Variants in FRAS1 observed in about 807,000 individuals in gnomAD.
The protein encoded by FRAS1 is extracellular matrix organizing protein FRAS1.
In FRAS1, 290 loss-of-function variants were observed where a neutral mutation model predicts 435.2. The ratio of observed to expected loss-of-function variants is 0.67; its 90% CI spans 0.61 to 0.73. FRAS1 has a LOEUF of 0.73. Among genes scored for constraint, FRAS1 ranks in the 30% least tolerant of loss-of-function variants. The pLI, the probability that FRAS1 is intolerant of heterozygous loss-of-function variation, is 0.00. For missense variants in FRAS1, 4,860 were observed against 5,001.5 expected (o/e 0.97, Z 0.85); for synonymous variants, 1,800 against 1,851.0 (o/e 0.97, Z 0.71).
At chr4:78,482,009 T>G (rs1306438367) in intron 57 of FRAS1, 45 bp downstream of exon 57, 2 of 1,577,542 alleles carry the variant, frequency 1.3e-6, no homozygotes, top group South Asian at 2.3e-5. Context: ...ACAGGTCGGT[T>G]TGTGAATGTT....
intron 19 of FRAS1, among the ~76,000 whole-genome samples, chr4:78,336,232 G>T (rs1271196130): frequency 1.3e-5 from 2 of 152,104 alleles, no homozygotes. Context: ...CAGTCCCCTG[G>T]TGAGTTGCTT....
At chr4:78,219,690 T>TAA (rs1723964438) in intron 2 of FRAS1, among the ~76,000 whole-genome samples, 1 of 152,210 alleles carries the variant, frequency 6.6e-6, no homozygotes, top group Non-Finnish European at 1.5e-5. Flanking sequence ...TCTCCAGAGT[T>TAA]TACTTAAGAT....
intron 14 of FRAS1, among the ~76,000 whole-genome samples, chr4:78,298,116 A>C (rs1388315232): frequency 2.0e-5 from 3 of 146,454 alleles, no homozygotes; most frequent in Non-Finnish European, 4.5e-5. Context: ...AGGTATGTGT[A>C]TATATATTTA....
intron 14 of FRAS1, among the ~76,000 whole-genome samples, chr4:78,299,214 G>A (rs345504): frequency 0.035 from 5,353 of 152,280 alleles, 310 homozygotes; most frequent in African/African-American, 0.12. Context: ...GAGCAGGAAA[G>A]TTAAGGAGAG....
At position 78,096,764 on chromosome 4, in the gene FRAS1, C is replaced by T. The variant is rs140526249; in HGVS notation, c.108+30748C>T. Among the ~76,000 whole-genome samples, 112 of 152,334 alleles carry T rather than the reference C, an allele frequency of 7.4e-4. No homozygotes were observed. The East Asian group carries it at 0.013, about 18-fold the overall frequency. ...GCAAGTGGACCCTGGGCCTGGCCCA[C>T]GAAACCACTTTTTCCTCCTAGGCCT... On this transcript the variant is annotated intron_variant, in intron 2 of 73. Transcript: ENST00000512123.
chr4:78,100,395 C>A (rs1742062484), intron 2 of FRAS1, among the ~76,000 whole-genome samples: 1 of 152,238 alleles, frequency 6.6e-6, no homozygotes, highest in African/African-American at 2.4e-5. Flanking sequence ...GGCTTTCCTG[C>A]AGTTGCTCCA....
chr4:78,228,705 A>G (rs956792175), intron 2 of FRAS1, among the ~76,000 whole-genome samples: 7 of 152,232 alleles, frequency 4.6e-5, no homozygotes, highest in Admixed American at 2.0e-4. Context: ...GGGATTTTCT[A>G]TAGCTCTAAA....
chr4:78,444,316 C>T (rs765931532), intron 41 of FRAS1: 10 of 235,676 alleles, frequency 4.2e-5, no homozygotes, highest in Non-Finnish European at 7.7e-5. Context: ...CCGCTTAGAC[C>T]TCTCTCAGCT....
intron 19 of FRAS1, among the ~76,000 whole-genome samples, chr4:78,335,827 G>T (rs1730147957): frequency 1.3e-5 from 2 of 151,674 alleles, no homozygotes; most frequent in Non-Finnish European, 2.9e-5. Flanking sequence ...ATCACTAGTT[G>T]GGATTAGTAC....
intron 9 of FRAS1, among the ~76,000 whole-genome samples, chr4:78,275,735 ACCGC>A (rs1560620870): frequency 2.6e-5 from 4 of 152,058 alleles, no homozygotes; most frequent in African/African-American, 7.2e-5. Flanking sequence ...TTTCTCTCTG[ACCGC>A]CCTTAACATT....
intron 30 of FRAS1, among the ~76,000 whole-genome samples, chr4:78,403,508 A>C (rs990920454): frequency 6.6e-6 from 1 of 152,190 alleles, no homozygotes; most frequent in Non-Finnish European, 1.5e-5. Flanking sequence ...GCTTGCATCT[A>C]TCAGTCCCAA....
intron 29 of FRAS1, among the ~76,000 whole-genome samples, chr4:78,394,666 A>G (rs1344328531): frequency 6.6e-6 from 1 of 152,052 alleles, no homozygotes; most frequent in Non-Finnish European, 1.5e-5. Flanking sequence ...GTTCTTGCTC[A>G]AGATTGCTTT....
intron 2 of FRAS1, among the ~76,000 whole-genome samples, chr4:78,198,600 T>C (rs1475958161): frequency 1.3e-5 from 2 of 152,212 alleles, no homozygotes; most frequent in African/African-American, 2.4e-5. Context: ...ACCTTGGAGA[T>C]ATTGAAGTAT....
At chr4:78,119,720 A>T (rs1718902332) in intron 2 of FRAS1, among the ~76,000 whole-genome samples, 1 of 152,200 alleles carries the variant, frequency 6.6e-6, no homozygotes, top group Non-Finnish European at 1.5e-5. Flanking sequence ...TCTGCCACGT[A>T]ACACAGTTCT....
intron 20 of FRAS1, among the ~76,000 whole-genome samples, chr4:78,355,970 G>A (rs1730837836): frequency 6.6e-6 from 1 of 152,130 alleles, no homozygotes; most frequent in Non-Finnish European, 1.5e-5. Context: ...TTCACGAGTT[G>A]CCTCCCAATC....
chr4:78,142,863 T>C (rs940446867), intron 2 of FRAS1, among the ~76,000 whole-genome samples: 3 of 151,926 alleles, frequency 2.0e-5, no homozygotes, highest in Admixed American at 6.6e-5. Context: ...ACTAAAAGAA[T>C]AGTTAAGGAA....
chr4:78,534,416 C>T (rs762142973), intron 70 of FRAS1, 33 bp from the exon 71 acceptor site: 1 of 1,597,884 alleles, frequency 6.3e-7, no homozygotes, highest in Non-Finnish European at 8.5e-7. Flanking sequence ...TGACCCTGCT[C>T]TCAAAGAGCT....
intron 59 of FRAS1, among the ~76,000 whole-genome samples, chr4:78,494,430 A>C (rs1720452910): frequency 1.3e-5 from 2 of 152,146 alleles, no homozygotes; most frequent in South Asian, 4.1e-4. Context: ...GGAAGCTACC[A>C]CTCAAGGCAG....
intron 1 of FRAS1, among the ~76,000 whole-genome samples, chr4:78,061,248 G>C (rs1739748451): frequency 6.6e-6 from 1 of 152,248 alleles, no homozygotes; most frequent in Non-Finnish European, 1.5e-5. Context: ...AACTGGTAAA[G>C]TATTAATGCT....
Sources: allele counts gnomAD v4.1 joint callset (sites outside exome capture counted in the v4.1 genomes callset), GRCh38; gene constraint gnomAD v4.1.1; transcripts MANE v1.5; gene names NCBI Gene and HGNC (gene_info 2026-07-23, HGNC 2026-07-21).